The following THSD7A variants were observed in gnomAD, a reference collection of about 807,000 sequenced individuals.
The protein encoded by THSD7A is thrombospondin type-1 domain-containing protein 7A.
In THSD7A, 96 loss-of-function variants were observed where a neutral mutation model predicts 231.3. That is an observed-to-expected ratio of 0.41 (90% CI 0.35 to 0.49). The LOEUF (loss-of-function observed/expected upper bound fraction) is 0.49, where lower values mean the gene tolerates loss of function less well. Ranked by LOEUF, THSD7A falls within the 20% of genes least tolerant of loss-of-function variation. The probability of loss-of-function intolerance (pLI) is 0.05; values close to 1 mark genes in which losing one functional copy is unlikely to be tolerated. For synonymous variants in THSD7A, 940 were observed against 743.3 expected, an observed-to-expected ratio of 1.26 and a Z score of -4.30; for missense variants, 2,290 against 2,070.2, an observed-to-expected ratio of 1.11 and a Z score of -2.06.
intron 1 of THSD7A, among the ~76,000 whole-genome samples, chr7:11,796,788 A>G (rs560260352): frequency 1.3e-5 from 2 of 152,182 alleles, no homozygotes; most frequent in South Asian, 4.1e-4. Context: ...AATGTTTTTT[A>G]TACTATGTTA....
At chr7:11,808,262 T>C (rs561979009) in intron 1 of THSD7A, among the ~76,000 whole-genome samples, 2 of 152,316 alleles carry the variant, frequency 1.3e-5, no homozygotes, top group African/African-American at 4.8e-5. Context: ...GTGATTAGGC[T>C]CATGAGGACT....
intron 6 of THSD7A, among the ~76,000 whole-genome samples, chr7:11,514,947 C>T (rs12699200): frequency 0.25 from 38,434 of 151,996 alleles, 6,194 homozygotes; most frequent in Non-Finnish European, 0.36. Flanking sequence ...CATTTCTAAC[C>T]TAAGAAGATG....
intron 1 of THSD7A, among the ~76,000 whole-genome samples, chr7:11,683,016 G>A (rs1363234615): frequency 6.6e-6 from 1 of 151,636 alleles, no homozygotes; most frequent in Non-Finnish European, 1.5e-5. Flanking sequence ...CAGCTACTAG[G>A]AGGCTGAGGC....
At chr7:11,674,402 C>G (rs372838366) in intron 1 of THSD7A, among the ~76,000 whole-genome samples, 19 of 152,100 alleles carry the variant, frequency 1.2e-4, no homozygotes, top group Admixed American at 1.2e-3. Flanking sequence ...GGGGAGGGCA[C>G]TTTTCACCCT....
chr7:11,574,156 A>G (rs530312859), intron 4 of THSD7A, among the ~76,000 whole-genome samples: 9 of 152,228 alleles, frequency 5.9e-5, no homozygotes, highest in Non-Finnish European at 1.3e-4. Context: ...GGTGATCTAA[A>G]TAACATTATT....
At chr7:11,398,953 A>G (rs1264502922) in intron 23 of THSD7A, among the ~76,000 whole-genome samples, 1 of 152,228 alleles carries the variant, frequency 6.6e-6, no homozygotes, top group African/African-American at 2.4e-5. Flanking sequence ...ACTTCCTCAC[A>G]TCCCGTTGTT....
intron 1 of THSD7A, among the ~76,000 whole-genome samples, chr7:11,714,771 C>G (rs1168901040): frequency 6.6e-6 from 1 of 151,348 alleles, no homozygotes; most frequent in Non-Finnish European, 1.5e-5. Flanking sequence ...ACAAAATACT[C>G]TTTCTCCTTA....
At chr7:11,409,810 T>G (rs893795662) in intron 19 of THSD7A, among the ~76,000 whole-genome samples, 9 of 152,174 alleles carry the variant, frequency 5.9e-5, no homozygotes, top group African/African-American at 1.9e-4. Context: ...TGGTGTGATC[T>G]TGACTCATGG....
chr7:11,504,832 C>CTTT (rs11379673), intron 6 of THSD7A, among the ~76,000 whole-genome samples: 2 of 150,110 alleles, frequency 1.3e-5, no homozygotes, highest in Non-Finnish European at 3.0e-5. Context: ...CAACTAACTC[C>CTTT]TTTTTTTTTA....
chr7:11,749,617 T>C (rs1782432874), intron 1 of THSD7A, among the ~76,000 whole-genome samples: 1 of 152,030 alleles, frequency 6.6e-6, no homozygotes, highest in South Asian at 2.1e-4. Context: ...TTCATGTTGT[T>C]TCTTTAACTT....
chr7:11,429,875 TCATC>T (rs1278491310), intron 13 of THSD7A, among the ~76,000 whole-genome samples: 2 of 152,198 alleles, frequency 1.3e-5, no homozygotes, highest in African/African-American at 4.8e-5. Context: ...TTCCATCAAA[TCATC>T]CAACCAATTC....
At chr7:11,740,148 T>A (rs1782060023) in intron 1 of THSD7A, among the ~76,000 whole-genome samples, 1 of 151,822 alleles carries the variant, frequency 6.6e-6, no homozygotes, top group Non-Finnish European at 1.5e-5. Context: ...ATCCCACACG[T>A]CTCACTCCTC....
Position 11,541,517 on chromosome 7 carries a change from T to G in THSD7A, c.1724A>C (p.Asp575Ala). 6.2e-7 allele frequency: 1 copy of G among 1,613,934 alleles called. No homozygotes were observed. Among genetic ancestry groups the G allele is most frequent in the Non-Finnish European group, 8.5e-7 (1 of 1,179,862 alleles). Reference protein sequence around the residue: ...AIPCEEPACYDWKAVRLGNCE... With the variant: ...AIPCEEPACYAWKAVRLGNCE... Reference sequence around the variant, plus strand: ...GTTTCCCAGTCTCACTGCTTTCCAGTCATAACAGGCAGGCTCTTCACAGGG... The same window carrying G: ...GTTTCCCAGTCTCACTGCTTTCCAGGCATAACAGGCAGGCTCTTCACAGGG... Residue 575 changes from aspartate (D) to alanine (A), a missense_variant, in exon 6 of 28, where the codon GAC (aspartate) becomes GCC (alanine). Transcript: ENST00000423059.
At chr7:11,443,760 G>A (rs1784877232) in intron 13 of THSD7A, among the ~76,000 whole-genome samples, 1 of 151,894 alleles carries the variant, frequency 6.6e-6, no homozygotes, top group Non-Finnish European at 1.5e-5. Flanking sequence ...TATTTATGGG[G>A]TACCTGTGAT....
chr7:11,627,224 T>C (rs1584105961), intron 2 of THSD7A, among the ~76,000 whole-genome samples: 1 of 152,008 alleles, frequency 6.6e-6, no homozygotes, highest in African/African-American at 2.4e-5. Context: ...GCTCTGCACA[T>C]GTAACCCAGA....
intron 7 of THSD7A, among the ~76,000 whole-genome samples, chr7:11,475,549 A>G (rs17555821): frequency 6.0e-5 from 9 of 149,486 alleles, no homozygotes; most frequent in African/African-American, 2.2e-4. Context: ...AATCAGGGTT[A>G]TAAGTATATA....
chr7:11,421,414 AGTTTC>A (rs1784138459), intron 16 of THSD7A, among the ~76,000 whole-genome samples: 1 of 151,422 alleles, frequency 6.6e-6, no homozygotes, highest in Admixed American at 6.6e-5. Flanking sequence ...CATGATTGTA[AGTTTC>A]CTGAAGGCTC....
intron 4 of THSD7A, among the ~76,000 whole-genome samples, chr7:11,574,292 G>A (rs925677019): frequency 3.3e-5 from 5 of 151,990 alleles, no homozygotes; most frequent in African/African-American, 1.2e-4. Flanking sequence ...TAAACTTTGT[G>A]ACAGCAGGAA....
At chr7:11,501,991 C>T (rs1303396326) in intron 6 of THSD7A, among the ~76,000 whole-genome samples, 3 of 152,124 alleles carry the variant, frequency 2.0e-5, no homozygotes, top group African/African-American at 7.2e-5. Flanking sequence ...TCAGAAATGA[C>T]TGCAAACAAC....
Sources: allele counts gnomAD v4.1 joint callset (sites outside exome capture counted in the v4.1 genomes callset), GRCh38; gene constraint gnomAD v4.1.1; transcripts MANE v1.5; gene names NCBI Gene and HGNC (gene_info 2026-07-23, HGNC 2026-07-21).